MPPED2: variants seen among roughly 807,000 people sequenced by gnomAD.
MPPED2 encodes metallophosphoesterase MPPED2.
MPPED2 carries 5 observed loss-of-function variants against 33.0 expected under a neutral mutation model. The ratio of observed to expected loss-of-function variants is 0.15; its 90% CI spans 0.08 to 0.32. The LOEUF is 0.32. Among genes scored for constraint, MPPED2 ranks in the 10% least tolerant of loss-of-function variants. The probability of loss-of-function intolerance (pLI) is 1.00; values close to 1 mark genes in which losing one functional copy is unlikely to be tolerated. For synonymous variants in MPPED2, 136 were observed against 141.9 expected (o/e 0.96, Z 0.29); for missense variants, 275 against 372.1 (o/e 0.74, Z 2.15).
intron 3 of MPPED2, among the ~76,000 whole-genome samples, chr11:30,511,183 G>A (rs1157757431): frequency 6.6e-6 from 1 of 152,070 alleles, no homozygotes; most frequent in Non-Finnish European, 1.5e-5. Context: ...AATGAAATAG[G>A]GCCCCAGAAT....
intron 4 of MPPED2, among the ~76,000 whole-genome samples, chr11:30,468,327 C>T (rs1273563233): frequency 6.6e-6 from 1 of 151,934 alleles, no homozygotes; most frequent in East Asian, 1.9e-4. Flanking sequence ...AACAAATGTG[C>T]ACCTCTGCAC....
intron 3 of MPPED2, among the ~76,000 whole-genome samples, chr11:30,505,716 G>A (rs1022887454): frequency 6.6e-6 from 1 of 152,162 alleles, no homozygotes; most frequent in Non-Finnish European, 1.5e-5. Flanking sequence ...AGAAAAATTG[G>A]TAAAGACATT....
intron 2 of MPPED2, among the ~76,000 whole-genome samples, chr11:30,574,623 C>G (rs1051402861): frequency 6.6e-6 from 1 of 152,096 alleles, no homozygotes; most frequent in Non-Finnish European, 1.5e-5. Context: ...AGCCTTTGGC[C>G]TATTCCTTGA....
intron 3 of MPPED2, among the ~76,000 whole-genome samples, chr11:30,528,344 C>T (rs1954321171): frequency 6.6e-6 from 1 of 152,196 alleles, no homozygotes; most frequent in Admixed American, 6.5e-5. Context: ...CAACCTCTGC[C>T]TCCCGGGTTC....
intron 1 of MPPED2, among the ~76,000 whole-genome samples, chr11:30,583,127 A>ACTTTTTCTTTTTTT (rs1564920063): frequency 2.3e-5 from 2 of 86,950 alleles, no homozygotes; most frequent in Non-Finnish European, 4.5e-5. Flanking sequence ...CCTGGAAAAG[A>ACTTTTTCTTTTTTT]CTTTTTCTTT....
intron 3 of MPPED2, among the ~76,000 whole-genome samples, chr11:30,531,713 C>T (rs1057374240): frequency 6.6e-6 from 1 of 152,156 alleles, no homozygotes; most frequent in African/African-American, 2.4e-5. Flanking sequence ...TTGTAACTCA[C>T]CAAAGTTGTC....
chr11:30,543,182 T>C (rs918280619), intron 2 of MPPED2, among the ~76,000 whole-genome samples: 3 of 152,158 alleles, frequency 2.0e-5, no homozygotes, highest in Non-Finnish European at 4.4e-5. Context: ...AAAATGCTGA[T>C]AAAGATATAA....
At chr11:30,432,243 C>T in intron 4 of MPPED2, among the ~76,000 whole-genome samples, 1 of 151,736 alleles carries the variant, frequency 6.6e-6, no homozygotes, top group East Asian at 1.9e-4. Flanking sequence ...AGGTCAATTG[C>T]TTTGTTGTGT....
At chr11:30,387,523 G>T (rs1947717970) in exon 7 of MPPED2, 1 of 152,340 alleles carries the variant, frequency 6.6e-6, no homozygotes, top group Non-Finnish European at 1.5e-5. Flanking sequence ...ACCACACGGG[G>T]TTGGAGAGAC....
At chr11:30,504,915 G>T in intron 3 of MPPED2, 1 of 716,170 alleles carries the variant, frequency 1.4e-6, no homozygotes, top group Non-Finnish European at 2.1e-6. Context: ...AGGGGATGCG[G>T]AGTGAAAGCC....
intron 5 of MPPED2, among the ~76,000 whole-genome samples, chr11:30,416,395 G>A (rs558931158): frequency 3.9e-5 from 6 of 152,330 alleles, no homozygotes; most frequent in African/African-American, 1.4e-4. Flanking sequence ...TGCCTTGGAG[G>A]AGAAAATATC....
intron 3 of MPPED2, chr11:30,504,878 G>T: frequency 9.0e-7 from 1 of 1,110,072 alleles, no homozygotes; most frequent in Non-Finnish European, 1.2e-6. Context: ...ATAATGTCAG[G>T]GCTGAGCCAG....
At chr11:30,454,383 G>A (rs567695209) in intron 4 of MPPED2, among the ~76,000 whole-genome samples, 1 of 152,212 alleles carries the variant, frequency 6.6e-6, no homozygotes, top group East Asian at 1.9e-4. Flanking sequence ...ACAATACACA[G>A]TGCTGAATAG....
chr11:30,498,329 A>C (rs560665323), intron 3 of MPPED2, among the ~76,000 whole-genome samples: 1 of 152,244 alleles, frequency 6.6e-6, no homozygotes. Flanking sequence ...TCACACCCGG[A>C]ATCCCAGCAC....
chr11:30,398,091 C>G (rs79563349), intron 6 of MPPED2, among the ~76,000 whole-genome samples: 2 of 152,202 alleles, frequency 1.3e-5, no homozygotes, highest in East Asian at 1.9e-4. Context: ...AAACATGGTA[C>G]TAATGATTCC....
chr11:30,387,090 G>A, exon 7 of MPPED2: 1 of 256,334 alleles, frequency 3.9e-6, no homozygotes. Flanking sequence ...GGATTTCAAA[G>A]CCACTATTAT....
chr11:30,480,884 T>G (rs1420714820), intron 4 of MPPED2, among the ~76,000 whole-genome samples: 1 of 152,108 alleles, frequency 6.6e-6, no homozygotes, highest in African/African-American at 2.4e-5. Flanking sequence ...TATCACTCAG[T>G]TAGCCCACAC....
At chr11:30,522,827 A>G (rs1953949401) in intron 3 of MPPED2, among the ~76,000 whole-genome samples, 1 of 152,242 alleles carries the variant, frequency 6.6e-6, no homozygotes, top group Non-Finnish European at 1.5e-5. Flanking sequence ...GATGAGTACT[A>G]TATTATTTGC....
chr11:30,446,196 G>C (rs1949801674), intron 4 of MPPED2, among the ~76,000 whole-genome samples: 1 of 152,192 alleles, frequency 6.6e-6, no homozygotes, highest in Non-Finnish European at 1.5e-5. Context: ...TGGGAATTCT[G>C]TGTGCGGTTA....
Sources: allele counts gnomAD v4.1 joint callset (sites outside exome capture counted in the v4.1 genomes callset), GRCh38; gene constraint gnomAD v4.1.1; transcripts MANE v1.5; gene names NCBI Gene and HGNC (gene_info 2026-07-23, HGNC 2026-07-21).